The following DST variants were observed in gnomAD, a reference collection of about 807,000 sequenced individuals.
DST encodes the protein bullous pemphigoid antigen.
Under a neutral mutation model 875.2 loss-of-function variants are expected in DST, and 253 were observed. The observed-to-expected ratio is 0.29, with a 90% CI of 0.26 to 0.32. The LOEUF is 0.32. DST is among the 10% of genes least tolerant of loss of function. The probability of loss-of-function intolerance (pLI) is 1.00; values close to 1 mark genes in which losing one functional copy is unlikely to be tolerated. For synonymous variants in DST, 3,124 were observed against 3,197.1 expected, an observed-to-expected ratio of 0.98 and a Z score of 0.77; for missense variants, 8,287 against 9,111.6, an observed-to-expected ratio of 0.91 and a Z score of 3.68.
chr6:56,954,264 G>C (rs1363025307), intron 1 of DST, 143 bp downstream of exon 1: 1 of 507,272 alleles, frequency 2.0e-6, no homozygotes, highest in Non-Finnish European at 3.2e-6. Flanking sequence ...GGCAAGGGGC[G>C]TTAAAGAAAC....
chr6:56,633,290 G>A (rs997672618), intron 27 of DST, among the ~76,000 whole-genome samples: 3 of 146,588 alleles, frequency 2.0e-5, no homozygotes, highest in Non-Finnish European at 3.0e-5. Context: ...GCAGTGGCGG[G>A]ATCTCGGCTC....
At chr6:56,627,942 G>A in intron 33 of DST, 57 bp downstream of exon 33, 1 of 1,486,336 alleles carries the variant, frequency 6.7e-7, no homozygotes, top group Non-Finnish European at 9.4e-7. Flanking sequence ...GGAAGATGAG[G>A]AGCATGACTG....
intron 4 of DST, among the ~76,000 whole-genome samples, chr6:56,849,946 C>G (rs1476658584): frequency 1.3e-5 from 2 of 152,234 alleles, no homozygotes; most frequent in Admixed American, 6.5e-5. Flanking sequence ...TCTTCCCTTT[C>G]TGCTGAGTCA....
At chr6:56,854,523 TTAG>T (rs1766882663) in intron 3 of DST, among the ~76,000 whole-genome samples, 1 of 152,278 alleles carries the variant, frequency 6.6e-6, no homozygotes, top group Admixed American at 6.5e-5. Context: ...TGATCTACAC[TTAG>T]TAAAGAAGAA....
chr6:56,670,906 G>A (rs2099097797), intron 9 of DST, 99 bp from the exon 10 acceptor site: 3 of 654,994 alleles, frequency 4.6e-6, no homozygotes, highest in Non-Finnish European at 7.2e-6. Flanking sequence ...TCTAAGATTA[G>A]GATAATAACA....
intron 2 of DST, among the ~76,000 whole-genome samples, chr6:56,932,227 T>A (rs1810718559): frequency 6.6e-6 from 1 of 151,800 alleles, no homozygotes; most frequent in Non-Finnish European, 1.5e-5. Context: ...TTATGGGGGG[T>A]TTCTGCTTTT....
At chr6:56,829,798 A>T (rs1374844036) in intron 4 of DST, among the ~76,000 whole-genome samples, 1 of 152,140 alleles carries the variant, frequency 6.6e-6, no homozygotes, top group Non-Finnish European at 1.5e-5. Context: ...TCAAGAAATA[A>T]ATAAATAATG....
intron 36 of DST, 23 bp downstream of exon 36, chr6:56,624,507 G>C (rs772998753): frequency 2.0e-6 from 3 of 1,482,954 alleles, no homozygotes; most frequent in Non-Finnish European, 2.8e-6. Context: ...TATATTTACA[G>C]GGTGCTCACT....
At chr6:56,907,753 G>GA (rs571307509) in intron 2 of DST, among the ~76,000 whole-genome samples, 7 of 150,122 alleles carry the variant, frequency 4.7e-5, no homozygotes, top group South Asian at 4.2e-4. Flanking sequence ...GCAGAAATTG[G>GA]AAAAAAAAAT....
At chr6:56,686,894 G>A (rs1429314377) in intron 9 of DST, among the ~76,000 whole-genome samples, 1 of 152,196 alleles carries the variant, frequency 6.6e-6, no homozygotes, top group Non-Finnish European at 1.5e-5. Flanking sequence ...TCACATACGT[G>A]ACCTCGTTTA....
intron 73 of DST, among the ~76,000 whole-genome samples, chr6:56,510,836 ATTGCC>A (rs1381342291): frequency 6.6e-6 from 1 of 152,086 alleles, no homozygotes; most frequent in African/African-American, 2.4e-5. Context: ...CTTTCTTCTC[ATTGCC>A]TTCTTGAGAG....
intron 4 of DST, among the ~76,000 whole-genome samples, chr6:56,850,238 T>C (rs1382738827): frequency 6.6e-6 from 1 of 152,096 alleles, no homozygotes; most frequent in Non-Finnish European, 1.5e-5. Context: ...CCAGAAACCC[T>C]GACTAGAGAA....
In DST at chr6:56,701,873, T is replaced by G; in HGVS notation, c.954+15A>C. 6.5e-7 allele frequency: 1 copy of G among 1,538,524 alleles called. No individual in the cohort carries two copies. Reference sequence around the variant, plus strand: ...CATATATTTATATGATTACAGTATTTTCAAAACATCATACCTGGCGTCTTT... The same window carrying G: ...CATATATTTATATGATTACAGTATTGTCAAAACATCATACCTGGCGTCTTT... On this transcript the variant is annotated intron_variant, in intron 8 of 103. Coordinates refer to ENST00000680361, the MANE Select transcript of DST (RefSeq NM_001374736.1).
At chr6:56,475,959 G>A (rs1297764215) in intron 92 of DST, among the ~76,000 whole-genome samples, 190 bp downstream of exon 92, 1 of 152,142 alleles carries the variant, frequency 6.6e-6, no homozygotes, top group Non-Finnish European at 1.5e-5. Context: ...GTTTTGCAAA[G>A]GTCACAGAGG....
At chr6:56,734,017 T>A (rs994666090) in intron 5 of DST, among the ~76,000 whole-genome samples, 1 of 152,186 alleles carries the variant, frequency 6.6e-6, no homozygotes, top group Non-Finnish European at 1.5e-5. Flanking sequence ...TATTACAGTA[T>A]CCACACCCCA....
At chr6:56,795,368 T>C (rs2099737963) in intron 4 of DST, among the ~76,000 whole-genome samples, 1 of 151,912 alleles carries the variant, frequency 6.6e-6, no homozygotes, top group Admixed American at 6.5e-5. Flanking sequence ...GAACTACAAA[T>C]AACAAGATTT....
intron 4 of DST, among the ~76,000 whole-genome samples, chr6:56,844,819 C>A (rs6914293): frequency 0.14 from 21,510 of 150,888 alleles, 1,744 homozygotes; most frequent in Non-Finnish European, 0.18. Flanking sequence ...TTGCAGTGAG[C>A]CGAGATCACG....
intron 4 of DST, among the ~76,000 whole-genome samples, chr6:56,736,368 T>C (rs1425745595): frequency 1.3e-5 from 2 of 152,208 alleles, no homozygotes; most frequent in Admixed American, 6.6e-5. Flanking sequence ...GTTCATCAAG[T>C]TATTATTTCA....
intron 4 of DST, among the ~76,000 whole-genome samples, chr6:56,835,342 T>G (rs571225217): frequency 1.3e-5 from 2 of 152,316 alleles, no homozygotes; most frequent in African/African-American, 4.8e-5. Context: ...CTATTAATCT[T>G]GTAATCAACT....
Sources: gnomAD v4.1 joint callset for allele counts (sites outside exome capture counted in the v4.1 genomes callset) on GRCh38, gnomAD v4.1.1 for gene constraint, MANE v1.5 for transcripts, NCBI Gene and HGNC (gene_info 2026-07-23, HGNC 2026-07-21) for gene names.